Variants in OSTN observed in about 807,000 individuals in gnomAD.
OSTN encodes the protein osteocrin.
Under a neutral mutation model 12.0 loss-of-function variants are expected in OSTN, and 9 were observed. The observed-to-expected ratio is 0.75, with a 90% CI of 0.45 to 1.30. The LOEUF (loss-of-function observed/expected upper bound fraction) is 1.30, where lower values mean the gene tolerates loss of function less well. Ranked by LOEUF, OSTN falls within the 50% of genes most tolerant of loss-of-function variation. OSTN has a pLI of 0.00. For synonymous variants in OSTN, 59 were observed against 56.9 expected (o/e 1.04, Z -0.16); for missense variants, 148 against 152.3 (o/e 0.97, Z 0.15).
chr3:191,250,150 T>TC lies in OSTN; in HGVS notation c.*12+17_*12+18insC. 1 of 1,517,492 alleles carries TC rather than the reference T, an allele frequency of 6.6e-7. No homozygotes were observed. Among genetic ancestry groups the TC allele is most frequent in the Non-Finnish European group, 9.2e-7 (1 of 1,092,214 alleles). 94.0% of individuals were successfully genotyped at this position (1,517,492 alleles called of 1,614,324 possible). A position where few individuals can be genotyped will look rare whatever the true frequency, so the allele number is the denominator to read the frequency against. ...ATTCCAATTGTGAGTACAATTTGAA[T>TC]AAGTAACAGTATATGCAGGTATTTG... On this transcript the variant is annotated intron_variant, in intron 4 of 4. Transcript: ENST00000682035.
rs574342903 is a variant in OSTN, at chr3:191,264,626, T to C, written c.*1773T>C. The C allele has an allele frequency of 1.3e-5, 2 of 152,268 alleles. No homozygotes were observed. Among genetic ancestry groups the C allele is most frequent in the South Asian group, 4.1e-4 (2 of 4,830 alleles). The allele number at this position is 152,268 out of a possible 1,614,324, so 9.4% of individuals were successfully genotyped here. On this transcript the variant is annotated 3_prime_UTR_variant, in exon 5 of 5. Transcript: ENST00000682035. ...GAGGACTCAGGAGTTGAAAGAATTA[T>C]TTAAGAAGTTGTGATATCCTTGTCT...
intron 1 of OSTN, among the ~76,000 whole-genome samples, chr3:191,202,028 A>G (rs1245196294): frequency 1.3e-5 from 2 of 152,204 alleles, no homozygotes; most frequent in African/African-American, 4.8e-5. Context: ...ATCAGGATTC[A>G]GATCCAGGTC....
At chr3:191,214,134 G>A (rs914887092) in intron 2 of OSTN, among the ~76,000 whole-genome samples, 5 of 151,608 alleles carry the variant, frequency 3.3e-5, no homozygotes, top group Admixed American at 2.7e-4. Flanking sequence ...AAATAGAGAA[G>A]AGAGAGATTG....
intron 4 of OSTN, among the ~76,000 whole-genome samples, chr3:191,254,928 G>A (rs1206266525): frequency 2.0e-5 from 3 of 152,178 alleles, no homozygotes; most frequent in Admixed American, 2.0e-4. Context: ...GAATTTGGGT[G>A]AATTTCTCTC....
intron 3 of OSTN, among the ~76,000 whole-genome samples, chr3:191,244,441 T>C (rs78653392): frequency 0.032 from 4,788 of 151,732 alleles, 162 homozygotes; most frequent in Middle Eastern, 0.15. Context: ...GTCATACCAT[T>C]ATTTTGTCAC....
chr3:191,238,800 T>C (rs1715258496), intron 3 of OSTN, among the ~76,000 whole-genome samples: 1 of 152,220 alleles, frequency 6.6e-6, no homozygotes, highest in South Asian at 2.1e-4. Flanking sequence ...CTCAAGACCA[T>C]AGGATGGGAC....
intron 1 of OSTN, among the ~76,000 whole-genome samples, chr3:191,206,332 T>C (rs1714273163): frequency 6.6e-6 from 1 of 152,236 alleles, no homozygotes; most frequent in Non-Finnish European, 1.5e-5. Context: ...AGCATTGTTT[T>C]TTCTTAACAT....
intron 3 of OSTN, among the ~76,000 whole-genome samples, chr3:191,249,464 T>G (rs1252208325): frequency 6.6e-6 from 1 of 152,184 alleles, no homozygotes; most frequent in Non-Finnish European, 1.5e-5. Context: ...GTTTAATTTA[T>G]TTCAAACAGT....
intron 1 of OSTN, among the ~76,000 whole-genome samples, chr3:191,210,556 C>T (rs1296494177): frequency 6.6e-6 from 1 of 152,154 alleles, no homozygotes; most frequent in Non-Finnish European, 1.5e-5. Context: ...ATGGGAATTA[C>T]TTCTCATTTC....
At chr3:191,262,382 A>T (rs1390491454) in intron 4 of OSTN, among the ~76,000 whole-genome samples, 1 of 152,228 alleles carries the variant, frequency 6.6e-6, no homozygotes, top group African/African-American at 2.4e-5. Flanking sequence ...AAATAAATTA[A>T]TATAACTCAA....
chr3:191,199,807 A>G (rs1469145598), intron 1 of OSTN, among the ~76,000 whole-genome samples: 1 of 152,076 alleles, frequency 6.6e-6, no homozygotes, highest in Non-Finnish European at 1.5e-5. Context: ...CTTATATGTC[A>G]AATATGCAAA....
chr3:191,225,755 A>C (rs1013086797), intron 3 of OSTN, among the ~76,000 whole-genome samples: 18 of 152,156 alleles, frequency 1.2e-4, no homozygotes, highest in African/African-American at 4.1e-4. Context: ...GTTCTCACTT[A>C]TAAGTGGAAG....
chr3:191,228,514 A>C (rs1714969567), intron 3 of OSTN, among the ~76,000 whole-genome samples: 1 of 152,204 alleles, frequency 6.6e-6, no homozygotes, highest in Non-Finnish European at 1.5e-5. Flanking sequence ...GTAGGAGTGC[A>C]GTATTATCTT....
intron 1 of OSTN, among the ~76,000 whole-genome samples, chr3:191,211,304 A>T (rs958467299): frequency 6.6e-6 from 1 of 152,240 alleles, no homozygotes; most frequent in Non-Finnish European, 1.5e-5. Flanking sequence ...ACAGACAAAC[A>T]TACATTTAAG....
chr3:191,233,144 AT>A (rs1468019604), intron 3 of OSTN, among the ~76,000 whole-genome samples: 1 of 152,218 alleles, frequency 6.6e-6, no homozygotes, highest in East Asian at 1.9e-4. Context: ...AAACAAAAAA[AT>A]TCATGAAAGC....
At chr3:191,251,271 C>T (rs976824414) in intron 4 of OSTN, among the ~76,000 whole-genome samples, 1 of 152,166 alleles carries the variant, frequency 6.6e-6, no homozygotes, top group Non-Finnish European at 1.5e-5. Flanking sequence ...GTATGTTAAA[C>T]ACAGCATTTA....
chr3:191,205,422 G>A (rs1020920521), intron 1 of OSTN, among the ~76,000 whole-genome samples: 39 of 141,172 alleles, frequency 2.8e-4, no homozygotes, highest in Middle Eastern at 3.9e-3. Context: ...AGAATTTTTG[G>A]AGTCACGTCA....
At chr3:191,206,666 T>C (rs753070887) in intron 1 of OSTN, among the ~76,000 whole-genome samples, 1 of 152,236 alleles carries the variant, frequency 6.6e-6, no homozygotes, top group Non-Finnish European at 1.5e-5. Context: ...ATCTCCATTT[T>C]AGTTGGTCTA....
At chr3:191,211,060 A>G (rs1298884225) in intron 1 of OSTN, among the ~76,000 whole-genome samples, 3 of 152,228 alleles carry the variant, frequency 2.0e-5, no homozygotes, top group Non-Finnish European at 1.5e-5. Context: ...TAAAATACAT[A>G]TAGATTAAAA....
Sources: allele counts gnomAD v4.1 joint callset (sites outside exome capture counted in the v4.1 genomes callset), GRCh38; gene constraint gnomAD v4.1.1; transcripts MANE v1.5; gene names NCBI Gene and HGNC (gene_info 2026-07-23, HGNC 2026-07-21).